The following MRPS27 variants were observed in gnomAD, a reference collection of about 807,000 sequenced individuals.
MRPS27 encodes small ribosomal subunit protein mS27.
Under a neutral mutation model 48.9 loss-of-function variants are expected in MRPS27, and 43 were observed. The ratio of observed to expected loss-of-function variants is 0.88; its 90% confidence interval spans 0.69 to 1.13. The LOEUF is 1.13. MRPS27 is among the 50% of genes most tolerant of loss of function. MRPS27 has a pLI of 0.00. For synonymous variants in MRPS27, 188 were observed against 171.9 expected (o/e 1.09, Z -0.73); for missense variants, 467 against 476.3 (o/e 0.98, Z 0.18).
chr5:72,258,270 A>C (rs1409866054), intron 4 of MRPS27, among the ~76,000 whole-genome samples: 1 of 152,146 alleles, frequency 6.6e-6, no homozygotes, highest in African/African-American at 2.4e-5. Context: ...TCCAACGTGC[A>C]CTAACATCTA....
In MRPS27 at chr5:72,254,282, T is replaced by C. The variant is rs141702585; in HGVS notation, c.282-16154A>G. ...AACCAAGGCACTTAATGAGGCAACT[T>C]CTCATAGCCGGTTCACACAAAACCT... On this transcript the variant is annotated intron_variant, in intron 4 of 10. Transcript: ENST00000261413. Among the ~76,000 whole-genome samples the C allele has an allele frequency of 1.5e-3, 221 of 152,222 alleles. No homozygotes were observed. The Middle Eastern group carries it at 0.017, about 12-fold the overall frequency.
At chr5:72,276,639 C>G (rs1430569485) in intron 4 of MRPS27, among the ~76,000 whole-genome samples, 1 of 151,516 alleles carries the variant, frequency 6.6e-6, no homozygotes, top group African/African-American at 2.4e-5. Context: ...AGCTATAGAA[C>G]AGGAGGAAAT....
chr5:72,288,862 T>C (rs1283239607), intron 4 of MRPS27: 2 of 152,244 alleles, frequency 1.3e-5, no homozygotes, highest in Non-Finnish European at 2.9e-5. Context: ...AAAGGAAAAT[T>C]ACTGCTGCGT....
chr5:72,277,966 A>T (rs1166056936), intron 4 of MRPS27, among the ~76,000 whole-genome samples: 11 of 152,192 alleles, frequency 7.2e-5, no homozygotes, highest in Non-Finnish European at 1.5e-4. Flanking sequence ...GAGTATCAGA[A>T]AAAATAGCTA....
intron 4 of MRPS27, among the ~76,000 whole-genome samples, chr5:72,275,296 TA>T (rs1749345242): frequency 6.6e-6 from 1 of 151,960 alleles, no homozygotes; most frequent in Non-Finnish European, 1.5e-5. Flanking sequence ...ACAAAGAGAA[TA>T]AAATACCTAG....
At chr5:72,299,301 G>A (rs551549779) in intron 2 of MRPS27, among the ~76,000 whole-genome samples, 197 of 135,686 alleles carry the variant, frequency 1.5e-3, no homozygotes, top group African/African-American at 5.0e-3. Flanking sequence ...ATTAGCTCAT[G>A]AAAGAAAAAA....
rs117383850 is a variant in MRPS27, at chr5:72,287,484, C to G, written c.281+8047G>C. Among the ~76,000 whole-genome samples, 234 of 152,108 alleles carry G rather than the reference C, an allele frequency of 1.5e-3. 7 individuals carry two copies. The East Asian group carries it at 0.041, about 27-fold the overall frequency. ...GTGAAACCCTATCTCTACAAAAACA[C>G]AAAAATTAGCCAGGCGTGGTGGCAA... On this transcript the variant is annotated intron_variant, in intron 4 of 10. Coordinates refer to ENST00000261413, the MANE Select transcript of MRPS27 (RefSeq NM_015084.3).
chr5:72,305,876 C>T (rs988058627), intron 2 of MRPS27, among the ~76,000 whole-genome samples: 1 of 152,198 alleles, frequency 6.6e-6, no homozygotes, highest in African/African-American at 2.4e-5. Context: ...ACCTCCCCAA[C>T]AAATCAGCAA....
At chr5:72,278,311 C>T (rs900353146) in intron 4 of MRPS27, among the ~76,000 whole-genome samples, 16 of 151,874 alleles carry the variant, frequency 1.1e-4, no homozygotes, top group Admixed American at 3.9e-4. Context: ...GGCATGGTGG[C>T]GAGCGCCTCT....
intron 2 of MRPS27, among the ~76,000 whole-genome samples, chr5:72,297,995 G>T (rs913703390): frequency 2.0e-5 from 3 of 152,092 alleles, no homozygotes; most frequent in East Asian, 3.8e-4. Context: ...CCTTCAGAAA[G>T]AATTTATGAC....
intron 6 of MRPS27, 48 bp from the exon 7 acceptor site, chr5:72,232,606 T>C (rs573818941): frequency 1.9e-5 from 24 of 1,290,204 alleles, no homozygotes; most frequent in Non-Finnish European, 2.6e-5. Context: ...TTGTAGGTAA[T>C]ATTACTAAAT....
chr5:72,319,407 C>T (rs1222052995), intron 1 of MRPS27, among the ~76,000 whole-genome samples: 2 of 152,064 alleles, frequency 1.3e-5, no homozygotes, highest in Non-Finnish European at 2.9e-5. Flanking sequence ...CTGAAAAATT[C>T]TTCCACGAAG....
intron 10 of MRPS27, among the ~76,000 whole-genome samples, chr5:72,222,228 C>T (rs1278348476): frequency 2.6e-5 from 4 of 152,220 alleles, no homozygotes; most frequent in African/African-American, 9.6e-5. Context: ...CAACGCTCTC[C>T]ATGTGGGGTT....
At chr5:72,222,592 T>C (rs1039817498) in intron 10 of MRPS27, 2 of 152,232 alleles carry the variant, frequency 1.3e-5, no homozygotes, top group Non-Finnish European at 2.9e-5. Flanking sequence ...TATGGCAACC[T>C]TGGTCAATGT....
At chr5:72,257,907 A>T (rs777168090) in intron 4 of MRPS27, among the ~76,000 whole-genome samples, 1 of 151,720 alleles carries the variant, frequency 6.6e-6, no homozygotes, top group Non-Finnish European at 1.5e-5. Context: ...ACACGGTGAA[A>T]CCCCATCTCT....
chr5:72,245,027 A>G (rs1219961480), intron 4 of MRPS27, among the ~76,000 whole-genome samples: 2 of 152,194 alleles, frequency 1.3e-5, no homozygotes, highest in Non-Finnish European at 2.9e-5. Context: ...TGTGGGGAGA[A>G]TGGGAGAAGA....
intron 4 of MRPS27, 84 bp downstream of exon 4, chr5:72,295,447 A>C (rs1361303778): frequency 9.8e-7 from 1 of 1,020,870 alleles, no homozygotes; most frequent in Non-Finnish European, 1.5e-6. Flanking sequence ...AGGTGTCAAA[A>C]TTATACACAA....
Position 72,226,130 on chromosome 5 carries a change from T to C in MRPS27, c.764A>G (p.Tyr255Cys), listed in dbSNP as rs756239013. Reference sequence around the variant, plus strand: ...CATCACTTGAAGGGCTCTGTCAAGGTAGCCTGGTTTCCATATCAGAGGCAT... The same window carrying C: ...CATCACTTGAAGGGCTCTGTCAAGGCAGCCTGGTTTCCATATCAGAGGCAT... ...HNMPLIWKPG[Y>C]LDRALQVMEK... is the part of the protein sequence containing the mutation. The change falls in exon 9 of 11, where the codon TAC becomes TGC. Residue 255 changes from tyrosine (Y) to cysteine (C), a missense_variant. Tyr to Cys is a radical substitution (Grantham distance 194, BLOSUM62 -2). Coordinates refer to ENST00000261413, the MANE Select transcript of MRPS27 (RefSeq NM_015084.3). 1.2e-6 allele frequency: 2 copies of C among 1,613,846 alleles called. No individual in the cohort carries two copies. Among genetic ancestry groups the C allele is most frequent in the Non-Finnish European group, 1.7e-6 (2 of 1,179,842 alleles).
chr5:72,276,313 G>GA, intron 4 of MRPS27, among the ~76,000 whole-genome samples: 1 of 152,264 alleles, frequency 6.6e-6, no homozygotes, highest in Admixed American at 6.5e-5. Flanking sequence ...AAGTAATGGG[G>GA]AAAAGATTCC....
Sources: allele counts gnomAD v4.1 joint callset (sites outside exome capture counted in the v4.1 genomes callset), GRCh38; gene constraint gnomAD v4.1.1; transcripts MANE v1.5; gene names NCBI Gene and HGNC (gene_info 2026-07-23, HGNC 2026-07-21).